Variants in SND1 observed in about 807,000 individuals in gnomAD.
The protein encoded by SND1 is staphylococcal nuclease and tudor domain containing 1, also known as staphylococcal nuclease domain-containing protein 1.
Under a neutral mutation model 121.7 loss-of-function variants are expected in SND1, and 38 were observed. The ratio of observed to expected loss-of-function variants is 0.31; its 90% CI spans 0.24 to 0.41. SND1 has a LOEUF of 0.41. Ranked by LOEUF, SND1 falls within the 10% of genes least tolerant of loss-of-function variation. The pLI is 1.00. For missense variants in SND1, 868 were observed against 1,184.6 expected, an observed-to-expected ratio of 0.73 and a Z score of 3.92; for synonymous variants, 401 against 447.4, an observed-to-expected ratio of 0.90 and a Z score of 1.31.
chr7:127,905,024 C>A (rs6956334), intron 14 of SND1, among the ~76,000 whole-genome samples: 2,472 of 152,244 alleles, frequency 0.016, 91 homozygotes, highest in African/African-American at 0.057. Context: ...TAACTTCATT[C>A]TTTTTCTTTA....
chr7:127,813,546 T>G (rs909318106), intron 11 of SND1, among the ~76,000 whole-genome samples: 1 of 152,064 alleles, frequency 6.6e-6, no homozygotes, highest in African/African-American at 2.4e-5. Flanking sequence ...AAGTGTGTTA[T>G]TTGTTGTTGT....
intron 1 of SND1, among the ~76,000 whole-genome samples, chr7:127,677,835 G>A (rs1795642314): frequency 6.6e-6 from 1 of 152,240 alleles, no homozygotes; most frequent in African/African-American, 2.4e-5. Flanking sequence ...AAAACAGGCA[G>A]TAGGCTGGAT....
At chr7:127,733,897 TC>T (rs1487898395) in intron 10 of SND1, among the ~76,000 whole-genome samples, 1 of 152,126 alleles carries the variant, frequency 6.6e-6, no homozygotes, top group Non-Finnish European at 1.5e-5. Context: ...GTTGAGCTTT[TC>T]CCCTAGAGTA....
At chr7:127,655,697 A>G (rs1317546032) in intron 1 of SND1, among the ~76,000 whole-genome samples, 2 of 152,328 alleles carry the variant, frequency 1.3e-5, no homozygotes, top group South Asian at 4.1e-4. Flanking sequence ...GCAACAGAAT[A>G]TTGTCAGCAG....
chr7:127,694,474 C>T (rs1374035784), intron 2 of SND1, among the ~76,000 whole-genome samples: 1 of 152,166 alleles, frequency 6.6e-6, no homozygotes. Flanking sequence ...AGAGCAGTGG[C>T]TGGCACATGG....
intron 11 of SND1, among the ~76,000 whole-genome samples, chr7:127,834,532 A>T (rs1029267047): frequency 6.6e-6 from 1 of 152,198 alleles, no homozygotes; most frequent in African/African-American, 2.4e-5. Context: ...TTTAGTTGTC[A>T]TTGTTCTATG....
intron 11 of SND1, among the ~76,000 whole-genome samples, chr7:127,818,488 G>A (rs921032877): frequency 3.3e-5 from 5 of 152,166 alleles, no homozygotes; most frequent in African/African-American, 1.2e-4. Flanking sequence ...GTAACTTAAG[G>A]TTGATGGACC....
rs1333520500 is a variant in SND1 at position 127,964,395 on chromosome 7, G to A, written c.1670-26552G>A. Among the ~76,000 whole-genome samples the A allele has an allele frequency of 4.7e-3, 685 of 145,990 alleles. 4 individuals are homozygous for A. The highest frequency in any genetic ancestry group is 0.017 in the African/African-American group (652 of 39,144). The stretch of plus-strand genomic sequence containing the variant: ...GGGTTTTTATGGTTTTAGGTCTAAC[G>A]TTTAAATCTTTAATCCATCTTGAAT... On this transcript the variant is annotated intron_variant, in intron 15 of 23. Coordinates refer to ENST00000354725, the MANE Select transcript of SND1 (RefSeq NM_014390.4).
chr7:127,719,420 G>A (rs914287667), intron 9 of SND1, among the ~76,000 whole-genome samples: 1 of 152,064 alleles, frequency 6.6e-6, no homozygotes, highest in East Asian at 1.9e-4. Flanking sequence ...TTTGTGATTG[G>A]GCTGGCATTA....
chr7:127,967,847 C>T lies in SND1; in HGVS notation c.1670-23100C>T, dbSNP rs1002579038. Reference sequence around the variant, plus strand: ...GTGTGGCCACCTTTAAGCCCTGGCTCGGACCATGATTAAATATGCTAAAAC... The same window carrying T: ...GTGTGGCCACCTTTAAGCCCTGGCTTGGACCATGATTAAATATGCTAAAAC... On this transcript the variant is annotated intron_variant, in intron 15 of 23. Transcript: ENST00000354725. Among the ~76,000 whole-genome samples, 6 of 152,162 alleles carry T rather than the reference C, an allele frequency of 3.9e-5. No individual in the cohort carries two copies. The East Asian group carries it at 9.6e-4, about 24-fold the overall frequency.
chr7:127,668,385 C>G (rs181488332), intron 1 of SND1, among the ~76,000 whole-genome samples: 2 of 152,246 alleles, frequency 1.3e-5, no homozygotes. Flanking sequence ...GTATGAACAC[C>G]ATACTTCTCT....
intron 4 of SND1, 145 bp from the exon 5 acceptor site, chr7:127,701,018 A>T: frequency 2.5e-6 from 2 of 804,870 alleles, no homozygotes; most frequent in South Asian, 2.0e-5. Flanking sequence ...TTTTCTGGTT[A>T]TAGGCTTGGG....
chr7:127,681,335 T>G (rs1795722527), intron 1 of SND1, among the ~76,000 whole-genome samples: 1 of 152,246 alleles, frequency 6.6e-6, no homozygotes, highest in African/African-American at 2.4e-5. Flanking sequence ...TTAATTGGGC[T>G]ATTGTCTTCT....
Position 127,887,966 on chromosome 7 carries a change from G to T in SND1, c.1408G>T (p.Asp470Tyr). 2 of 1,612,234 alleles carry T rather than the reference G, an allele frequency of 1.2e-6. No homozygotes were observed. Among genetic ancestry groups the T allele is most frequent in the South Asian group, 2.2e-5 (2 of 90,980 alleles). The change falls in exon 13 of 24, where the codon GAC becomes TAC. Residue 470 changes from aspartate (D) to tyrosine (Y), a missense_variant. Asp to Tyr is a radical substitution (Grantham distance 160). Around this residue, in one of 2 missense-constraint regions of SND1, gnomAD observed 743 missense variants for 1,071.3 expected, o/e 0.69. Coordinates refer to ENST00000354725, the MANE Select transcript of SND1 (RefSeq NM_014390.4). ...AGTGATCAGATACCGGCAGGATGAT[G>T]ACCAGAGATCATCACACTACGATGA... ...ATVIRYRQDDDQRSSHYDELL... is the reference protein window; with the variant it reads ...ATVIRYRQDDYQRSSHYDELL...
At chr7:127,789,597 A>G (rs1797874165) in intron 10 of SND1, among the ~76,000 whole-genome samples, 1 of 152,222 alleles carries the variant, frequency 6.6e-6, no homozygotes, top group Non-Finnish European at 1.5e-5. Flanking sequence ...GGCAAAAGAC[A>G]CGTGTCTGCT....
Position 128,092,361 on chromosome 7 carries a change from A to T in SND1, c.*303A>T, listed in dbSNP as rs1036825826. Reference sequence around the variant, plus strand: ...AAAAGTCCTCAAATCAGGAAGAAACATCAAAGACTATGTCCTAGTGGAGGG... The same window carrying T: ...AAAAGTCCTCAAATCAGGAAGAAACTTCAAAGACTATGTCCTAGTGGAGGG... On this transcript the variant is annotated 3_prime_UTR_variant, in exon 24 of 24. Transcript: ENST00000354725. The surrounding 1 kb of genome is among the most constrained non-coding windows in gnomAD (Gnocchi z 4.9). 4.9e-6 allele frequency: 2 copies of T among 410,462 alleles called. No individual in the cohort carries two copies. Among genetic ancestry groups the T allele is most frequent in the South Asian group, 9.0e-5 (2 of 22,346 alleles). 25.4% of individuals were successfully genotyped at this position (410,462 alleles called of 1,614,324 possible). A position where few individuals can be genotyped will look rare whatever the true frequency, so the allele number is the denominator to read the frequency against.
intron 15 of SND1, among the ~76,000 whole-genome samples, chr7:127,969,712 A>G (rs1801938729): frequency 6.6e-6 from 1 of 152,212 alleles, no homozygotes; most frequent in Non-Finnish European, 1.5e-5. Context: ...TGGGCAGCAG[A>G]GCAAGACTCC....
rs201976370 is a variant in SND1, at chr7:127,969,728, AAAAAC to A, written c.1670-21204_1670-21200del. 3.2e-3 allele frequency among the ~76,000 whole-genome samples: 493 copies of A among 152,318 alleles called. 23 individuals are homozygous for A. The East Asian group carries it at 0.091, about 28-fold the overall frequency. ...GGGCAGCAGAGCAAGACTCCGTCTC[AAAAAC>A]AAAACAAAACAAAAAAAACTCCAGC... On this transcript the variant is annotated intron_variant, in intron 15 of 23. Coordinates refer to ENST00000354725, the MANE Select transcript of SND1 (RefSeq NM_014390.4).
chr7:128,025,720 A>G (rs1381801126), intron 16 of SND1, among the ~76,000 whole-genome samples: 1 of 152,196 alleles, frequency 6.6e-6, no homozygotes, highest in Non-Finnish European at 1.5e-5. Flanking sequence ...TGGAAACTGC[A>G]TGGATCAAAG....
Sources: gnomAD v4.1 joint callset for allele counts (sites outside exome capture counted in the v4.1 genomes callset) on GRCh38, gnomAD v4.1.1 for gene constraint, gnomAD v4.1.1 regional missense constraint, Gnocchi (gnomAD v3.1) non-coding constraint, MANE v1.5 for transcripts, NCBI Gene and HGNC (gene_info 2026-07-23, HGNC 2026-07-21) for gene names.